Variants in ITPRID2 observed in about 807,000 individuals in gnomAD.
The protein encoded by ITPRID2 is protein ITPRID2.
In ITPRID2, 60 loss-of-function variants were observed where a neutral mutation model predicts 124.3. The observed-to-expected ratio is 0.48, with a 90% CI of 0.39 to 0.60. The LOEUF is 0.60. Among genes scored for constraint, ITPRID2 ranks in the 20% least tolerant of loss-of-function variants. The pLI, the probability that ITPRID2 is intolerant of heterozygous loss-of-function variation, is 0.00. For synonymous variants in ITPRID2, 521 were observed against 542.9 expected (o/e 0.96, Z 0.56); for missense variants, 1,553 against 1,512.2 (o/e 1.03, Z -0.45).
At chr2:181,929,130 C>G (rs1451037285) in intron 17 of ITPRID2, among the ~76,000 whole-genome samples, 2 of 151,180 alleles carry the variant, frequency 1.3e-5, no homozygotes, top group African/African-American at 4.9e-5. Flanking sequence ...GCTATGTTGC[C>G]CACGCTAGTC....
At position 181,892,188 on chromosome 2, in the gene ITPRID2, A is replaced by T. The variant is rs1180614886; in HGVS notation, c.122A>T (p.Asp41Val). The part of the protein sequence containing the change: ...RSSWQASETE[D>V]LSTEATTQDE... ...TCCTGGCAAGCGTCGGAGACGGAGG[A>T]TCTGTCCACAGAAGCGACGACGCAG... The change falls in exon 1 of 18, where the codon GAT becomes GTT. Residue 41 changes from aspartate to valine, a missense_variant. Coordinates refer to ENST00000431877, the MANE Select transcript of ITPRID2 (RefSeq NM_001130445.3). The surrounding 1 kb of genome is among the most constrained non-coding windows in gnomAD (Gnocchi z 5.2). 1 of 1,553,234 alleles carries T rather than the reference A, an allele frequency of 6.4e-7. No individual in the cohort carries two copies. Among genetic ancestry groups the T allele is most frequent in the Non-Finnish European group, 8.7e-7 (1 of 1,148,248 alleles).
chr2:181,892,767 G>A lies in ITPRID2; in HGVS notation c.257+107G>A. 7.4e-7 allele frequency: 1 copy of A among 1,354,958 alleles called. No homozygotes were observed. Among genetic ancestry groups the A allele is most frequent in the East Asian group, 2.4e-5 (1 of 42,102 alleles). The allele number at this position is 1,354,958 out of a possible 1,614,324, so 83.9% of individuals were successfully genotyped here. A position where few individuals can be genotyped will look rare whatever the true frequency, so the allele number is the denominator to read the frequency against. On this transcript the variant is annotated intron_variant, in intron 2 of 17. Transcript: ENST00000431877. The surrounding 1 kb of genome is among the most constrained non-coding windows in gnomAD (Gnocchi z 5.2). ...CCTGTGGGTCCCGCGACCGTTGTAA[G>A]CTACAAACCGGAAAGTGAGCCGGCG...
chr2:181,906,537 T>TAG (rs1693138749), intron 8 of ITPRID2, among the ~76,000 whole-genome samples: 1 of 152,112 alleles, frequency 6.6e-6, no homozygotes, highest in Non-Finnish European at 1.5e-5. Context: ...GCCCAGAAGT[T>TAG]AGAGACCAGC....
intron 17 of ITPRID2, among the ~76,000 whole-genome samples, chr2:181,929,123 A>G (rs1053036272): frequency 1.3e-5 from 2 of 151,756 alleles, no homozygotes; most frequent in Non-Finnish European, 2.9e-5. Flanking sequence ...GGGTCTTGCT[A>G]TGTTGCCCAC....
chr2:181,892,445 G>T lies in ITPRID2; in HGVS notation c.211+168G>T. On this transcript the variant is annotated intron_variant, in intron 1 of 17. Transcript: ENST00000431877. This position sits in a 1 kb window ranked among gnomAD's most constrained non-coding sequence, Gnocchi z 5.2. ...GCGCGCTGAACGAGGCGCCCCCAGC[G>T]TCAACACAGACAACTGGGTGCCATC... The T allele has an allele frequency of 4.5e-6, 5 of 1,121,400 alleles. No homozygotes were observed. Among genetic ancestry groups the T allele is most frequent in the Middle Eastern group, 4.1e-4 (2 of 4,928 alleles). The allele number at this position is 1,121,400 out of a possible 1,614,324, so 69.5% of individuals were successfully genotyped here.
chr2:181,906,597 G>A (rs1046109356), intron 8 of ITPRID2, among the ~76,000 whole-genome samples: 15 of 151,948 alleles, frequency 9.9e-5, no homozygotes, highest in African/African-American at 2.7e-4. Flanking sequence ...AAAATTAGCC[G>A]TGCATGGTGG....
chr2:181,915,907 T>C lies in ITPRID2; in HGVS notation c.2267T>C (p.Val756Ala). 2 of 1,614,200 alleles carry C rather than the reference T, an allele frequency of 1.2e-6. No individual in the cohort carries two copies. Among genetic ancestry groups the C allele is most frequent in the Non-Finnish European group, 1.7e-6 (2 of 1,180,032 alleles). ...GTAAGGGTTGTGTCCTCTGTCAATGTTCGATTATCTCCAGGAAAAGAGACC... is the reference window on the plus strand; with the variant it reads ...GTAAGGGTTGTGTCCTCTGTCAATGCTCGATTATCTCCAGGAAAAGAGACC... Reference protein sequence around the residue: ...SPVRVVSSVNVRLSPGKETRC... With the variant: ...SPVRVVSSVNARLSPGKETRC... Residue 756 changes from valine to alanine, a missense_variant, in exon 11 of 18, where the codon GTT (valine) becomes GCT (alanine). Physicochemically the swap from Val to Ala is moderately conservative, Grantham distance 64. Transcript: ENST00000431877.
intron 2 of ITPRID2, chr2:181,893,806 G>A (rs1287298310): frequency 6.6e-6 from 1 of 152,116 alleles, no homozygotes; most frequent in African/African-American, 2.4e-5. Flanking sequence ...CTCAAAGTAT[G>A]GATCAAGAAA....
At chr2:181,900,488 C>T (rs1223253353) in intron 6 of ITPRID2, among the ~76,000 whole-genome samples, 2 of 152,132 alleles carry the variant, frequency 1.3e-5, no homozygotes, top group Non-Finnish European at 2.9e-5. Flanking sequence ...ACTCTAGCAA[C>T]TTGAGACAAT....
Position 181,891,995 on chromosome 2 carries a change from A to G in ITPRID2, c.-72A>G, listed in dbSNP as rs1691732810. The G allele has an allele frequency of 1.4e-6, 2 of 1,433,536 alleles. No individual in the cohort carries two copies. The highest frequency in any genetic ancestry group is 2.3e-5 in the Admixed American group (1 of 43,406). 88.8% of individuals were successfully genotyped at this position (1,433,536 alleles called of 1,614,324 possible). On this transcript the variant is annotated 5_prime_UTR_variant, in exon 1 of 18. Transcript: ENST00000431877. ...CCTGCCCGGCCGGGCGCTGACAGCAAGGGCGGGGGTCCCTGCCGCCGCCTT... is the reference window on the plus strand; with the variant it reads ...CCTGCCCGGCCGGGCGCTGACAGCAGGGGCGGGGGTCCCTGCCGCCGCCTT...
In ITPRID2 at chr2:181,930,281, CT is replaced by C. The variant is rs1695184544; in HGVS notation, c.*739del. On this transcript the variant is annotated 3_prime_UTR_variant, in exon 18 of 18. Coordinates refer to ENST00000431877, the MANE Select transcript of ITPRID2 (RefSeq NM_001130445.3). Reference sequence around the variant, plus strand: ...ACTTCTTTATTAGATGGAGATGTTTCTTTTTCTGTCTTCTAGACTAAATAGA... The same window carrying C: ...ACTTCTTTATTAGATGGAGATGTTTCTTTTCTGTCTTCTAGACTAAATAGA... The C allele has an allele frequency of 6.6e-6, 1 of 152,432 alleles. No homozygotes were observed. The highest frequency in any genetic ancestry group is 2.4e-5 in the African/African-American group (1 of 41,422). 9.4% of individuals were successfully genotyped at this position (152,432 alleles called of 1,614,324 possible). A position where few individuals can be genotyped will look rare whatever the true frequency, so the allele number is the denominator to read the frequency against.
At position 181,896,213 on chromosome 2, in the gene ITPRID2, A is replaced by G; in HGVS notation, c.307+134A>G. ...TATATGCTATTCTGAGCTAGAAGCA[A>G]AATGGAGAAACTTTGTTATAAACCG... On this transcript the variant is annotated intron_variant, in intron 3 of 17. Coordinates refer to ENST00000431877, the MANE Select transcript of ITPRID2 (RefSeq NM_001130445.3). The surrounding 1 kb of genome is among the most constrained non-coding windows in gnomAD (Gnocchi z 4.3). 2.7e-6 allele frequency: 2 copies of G among 748,204 alleles called. No homozygotes were observed. The highest frequency in any genetic ancestry group is 4.3e-6 in the Non-Finnish European group (2 of 463,874). 46.3% of individuals were successfully genotyped at this position (748,204 alleles called of 1,614,324 possible).
chr2:181,926,043 G>A (rs1433184906), intron 16 of ITPRID2, among the ~76,000 whole-genome samples: 1 of 152,070 alleles, frequency 6.6e-6, no homozygotes, highest in Non-Finnish European at 1.5e-5. Context: ...GGAGGCCGAG[G>A]TGGGCGGATC....
At position 181,919,493 on chromosome 2, in the gene ITPRID2, A is replaced by G; in HGVS notation, c.3144+47A>G. 1.3e-6 allele frequency: 2 copies of G among 1,492,846 alleles called. No individual in the cohort carries two copies. The highest frequency in any genetic ancestry group is 4.7e-5 in the East Asian group (2 of 42,420). 92.5% of individuals were successfully genotyped at this position (1,492,846 alleles called of 1,614,324 possible). On this transcript the variant is annotated intron_variant, in intron 14 of 17. Coordinates refer to ENST00000431877, the MANE Select transcript of ITPRID2 (RefSeq NM_001130445.3). This position sits in a 1 kb window ranked among gnomAD's most constrained non-coding sequence, Gnocchi z 4.2. Reference sequence around the variant, plus strand: ...CGGAGTTTTCACCAAAGGTTTATTTATAATGTTCCAATAATTTAGGACGTG... The same window carrying G: ...CGGAGTTTTCACCAAAGGTTTATTTGTAATGTTCCAATAATTTAGGACGTG...
chr2:181,921,941 T>TCTCCA lies in ITPRID2; in HGVS notation c.3211-6_3211-2dup. ...AGAGAAGAATAACATTTTTTTATGA[T>TCTCCA]CTCCAGGTCACTGAACTGATGCAGG... On this transcript the variant is annotated splice_polypyrimidine_tract_variant and splice_region_variant and intron_variant, in intron 15 of 17. Transcript: ENST00000431877. 6.2e-7 allele frequency: 1 copy of TCTCCA among 1,605,450 alleles called. No individual in the cohort carries two copies. Among genetic ancestry groups the TCTCCA allele is most frequent in the Non-Finnish European group, 8.5e-7 (1 of 1,175,622 alleles).
chr2:181,891,977 G>A lies in ITPRID2; in HGVS notation c.-90G>A. Reference sequence around the variant, plus strand: ...TTCAGCTCCCCGGGGCCCCCTGCCCGGCCGGGCGCTGACAGCAAGGGCGGG... The same window carrying A: ...TTCAGCTCCCCGGGGCCCCCTGCCCAGCCGGGCGCTGACAGCAAGGGCGGG... On this transcript the variant is annotated 5_prime_UTR_variant, in exon 1 of 18. Transcript: ENST00000431877. 9.0e-7 allele frequency: 1 copy of A among 1,111,734 alleles called. No individual in the cohort carries two copies. The highest frequency in any genetic ancestry group is 1.2e-6 in the Non-Finnish European group (1 of 859,698). The allele number at this position is 1,111,734 out of a possible 1,614,324, so 68.9% of individuals were successfully genotyped here.
chr2:181,898,394 A>G (rs1180813064), intron 4 of ITPRID2, among the ~76,000 whole-genome samples: 1 of 152,002 alleles, frequency 6.6e-6, no homozygotes, highest in East Asian at 1.9e-4. Context: ...ATAAGTAGAA[A>G]TTTTCATGTT....
intron 14 of ITPRID2, among the ~76,000 whole-genome samples, chr2:181,920,191 T>C (rs1381301682): frequency 6.6e-6 from 1 of 152,202 alleles, no homozygotes; most frequent in Non-Finnish European, 1.5e-5. Flanking sequence ...TATACACACA[T>C]ACAATTATGT....
chr2:181,926,100 C>G (rs893626852), intron 16 of ITPRID2, among the ~76,000 whole-genome samples: 1 of 151,550 alleles, frequency 6.6e-6, no homozygotes, highest in African/African-American at 2.4e-5. Flanking sequence ...ATGGTGAAAC[C>G]CCATCTCTAC....
Sources: allele counts gnomAD v4.1 joint callset (sites outside exome capture counted in the v4.1 genomes callset), GRCh38; gene constraint gnomAD v4.1.1; non-coding constraint Gnocchi (gnomAD v3.1); transcripts MANE v1.5; gene names NCBI Gene and HGNC (gene_info 2026-07-23, HGNC 2026-07-21).